The following MLLT1 variants were observed in gnomAD, a reference collection of about 807,000 sequenced individuals.
MLLT1 encodes the protein protein ENL.
A neutral mutation model predicts 55.1 loss-of-function variants in MLLT1; 11 were observed. The ratio of observed to expected loss-of-function variants is 0.20; its 90% confidence interval spans 0.13 to 0.33. The LOEUF (loss-of-function observed/expected upper bound fraction) is 0.33. Ranked by LOEUF, MLLT1 falls within the 10% of genes least tolerant of loss-of-function variation. The probability of loss-of-function intolerance (pLI) is 1.00; values close to 1 mark genes in which losing one functional copy is unlikely to be tolerated. For missense variants in MLLT1, 536 were observed against 760.6 expected (o/e 0.70, Z 3.47); for synonymous variants, 323 against 320.1 (o/e 1.01, Z -0.10).
intron 3 of MLLT1, among the ~76,000 whole-genome samples, chr19:6,251,717 G>T (rs2091215929): frequency 6.6e-6 from 1 of 151,822 alleles, no homozygotes; most frequent in Admixed American, 6.6e-5. Flanking sequence ...TTGAGCCCAG[G>T]AGTTCGAGAC....
At chr19:6,248,047 C>T (rs1306392008) in intron 3 of MLLT1, among the ~76,000 whole-genome samples, 2 of 152,146 alleles carry the variant, frequency 1.3e-5, no homozygotes, top group African/African-American at 4.8e-5. Flanking sequence ...TGCGCCACCA[C>T]GCCCTGCTAA....
chr19:6,266,501 G>C (rs915724613), intron 2 of MLLT1, among the ~76,000 whole-genome samples: 4 of 152,142 alleles, frequency 2.6e-5, no homozygotes, highest in African/African-American at 9.7e-5. Flanking sequence ...CTGTCACCCA[G>C]GCTGGAGTGC....
At chr19:6,238,366 T>C (rs1483012414) in intron 3 of MLLT1, among the ~76,000 whole-genome samples, 1 of 152,218 alleles carries the variant, frequency 6.6e-6, no homozygotes, top group African/African-American at 2.4e-5. Flanking sequence ...TTAAGAATCT[T>C]ATCTTACAGG....
chr19:6,224,465 G>A (rs2090934317), intron 5 of MLLT1, among the ~76,000 whole-genome samples: 1 of 152,224 alleles, frequency 6.6e-6, no homozygotes, highest in African/African-American at 2.4e-5. Context: ...TGCCACCCTG[G>A]CCTCTTCCAG....
At chr19:6,272,848 G>A (rs531564694) in intron 1 of MLLT1, among the ~76,000 whole-genome samples, 10 of 152,344 alleles carry the variant, frequency 6.6e-5, no homozygotes, top group South Asian at 2.1e-4. Flanking sequence ...GGGTCTGTGC[G>A]CACAGCAAGC....
At chr19:6,268,573 G>T (rs980367314) in intron 2 of MLLT1, among the ~76,000 whole-genome samples, 3 of 152,154 alleles carry the variant, frequency 2.0e-5, no homozygotes, top group Non-Finnish European at 4.4e-5. Flanking sequence ...AGTACCTCAA[G>T]TATCAATCCA....
chr19:6,239,953 G>C (rs2091099983), intron 3 of MLLT1, among the ~76,000 whole-genome samples: 1 of 152,034 alleles, frequency 6.6e-6, no homozygotes, highest in South Asian at 2.1e-4. Flanking sequence ...TTAAGGCTTA[G>C]GTAAAACAGC....
chr19:6,265,123 G>A (rs2091339540), intron 2 of MLLT1, among the ~76,000 whole-genome samples: 1 of 146,242 alleles, frequency 6.8e-6, no homozygotes, highest in Non-Finnish European at 1.5e-5. Context: ...CATCCTAAAT[G>A]TTTCCACAGA....
rs753744711 is a variant in MLLT1, at chr19:6,213,325, G to A, written c.1551+12C>T. 3 of 1,611,772 alleles carry A rather than the reference G, an allele frequency of 1.9e-6. No individual in the cohort carries two copies. The highest frequency in any genetic ancestry group is 4.5e-5 in the East Asian group (2 of 44,868). On this transcript the variant is annotated intron_variant, in intron 11 of 11. Transcript: ENST00000252674. Reference sequence around the variant, plus strand: ...CGACCTCTGCCGGGCAGGACCCTCAGGGGGGCGATACCTGCTGCAGCACGT... The same window carrying A: ...CGACCTCTGCCGGGCAGGACCCTCAAGGGGGCGATACCTGCTGCAGCACGT...
chr19:6,213,964 T>TG lies in MLLT1; in HGVS notation c.1381dup (p.Gln461ProfsTer23), dbSNP rs772076449. On this transcript the variant is annotated frameshift_variant, in exon 9 of 12. Coordinates refer to ENST00000252674, the MANE Select transcript of MLLT1 (RefSeq NM_005934.4). LOFTEE classifies it high-confidence loss of function. ...CTTGCTGTTGGGCGGGGGTGGCTTC[T>TG]GGGGGGGTGGGGGCTCACGGCTGGG... The TG allele has an allele frequency of 3.0e-6, 4 of 1,339,436 alleles. No homozygotes were observed. The highest frequency in any genetic ancestry group is 3.0e-6 in the Non-Finnish European group (3 of 999,650). 83.0% of individuals were successfully genotyped at this position (1,339,436 alleles called of 1,614,324 possible).
At chr19:6,257,756 G>T (rs1244367596) in intron 3 of MLLT1, among the ~76,000 whole-genome samples, 2 of 150,626 alleles carry the variant, frequency 1.3e-5, no homozygotes, top group Non-Finnish European at 3.0e-5. Flanking sequence ...AGCCGAGATG[G>T]CGCCACTGCA....
Position 6,229,837 on chromosome 19 carries a change from G to A in MLLT1, c.420+733C>T, listed in dbSNP as rs570635205. On this transcript the variant is annotated intron_variant, in intron 4 of 11. Transcript: ENST00000252674. This position sits in a 1 kb window ranked among gnomAD's most constrained non-coding sequence, Gnocchi z 5.2. ...GAGACACATGCCACACACAACACAC[G>A]TACATACACATGACACACCACACAC... 1.0e-4 allele frequency among the ~76,000 whole-genome samples: 15 copies of A among 150,572 alleles called. No individual in the cohort carries two copies. The highest frequency in any genetic ancestry group is 7.9e-4 in the Admixed American group (12 of 15,126).
chr19:6,250,987 G>A (rs962586303), intron 3 of MLLT1, among the ~76,000 whole-genome samples: 8 of 152,122 alleles, frequency 5.3e-5, no homozygotes, highest in Non-Finnish European at 1.0e-4. Context: ...AAAGAAGCGA[G>A]ACACAAACGT....
chr19:6,230,852 C>A lies in MLLT1; in HGVS notation c.277-139G>T. ...CTCCGATTTGCGCCCACTTCTCTCT[C>A]AGGGCACCTCCTGCCCTGCCCTTAT... On this transcript the variant is annotated intron_variant, in intron 3 of 11. Coordinates refer to ENST00000252674, the MANE Select transcript of MLLT1 (RefSeq NM_005934.4). The surrounding 1 kb of genome is among the most constrained non-coding windows in gnomAD (Gnocchi z 9.0). 2.8e-6 allele frequency: 3 copies of A among 1,080,932 alleles called. No individual in the cohort carries two copies. Among genetic ancestry groups the A allele is most frequent in the Non-Finnish European group, 4.0e-6 (3 of 746,642 alleles). 67.0% of individuals were successfully genotyped at this position (1,080,932 alleles called of 1,614,324 possible). A position where few individuals can be genotyped will look rare whatever the true frequency, so the allele number is the denominator to read the frequency against.
rs2090988243 is a variant in MLLT1 at position 6,229,633 on chromosome 19, C to T, written c.420+937G>A. On this transcript the variant is annotated intron_variant, in intron 4 of 11. Transcript: ENST00000252674. The surrounding 1 kb of genome is among the most constrained non-coding windows in gnomAD (Gnocchi z 5.2). ...ACACGACACACACGCCATGCACACACCATACATGACACAGCAGACAGCGTA... is the reference window on the plus strand; with the variant it reads ...ACACGACACACACGCCATGCACACATCATACATGACACAGCAGACAGCGTA... Among the ~76,000 whole-genome samples, 2 of 151,714 alleles carry T rather than the reference C, an allele frequency of 1.3e-5. No homozygotes were observed. The highest frequency in any genetic ancestry group is 1.3e-4 in the Admixed American group (2 of 15,226).
intron 3 of MLLT1, among the ~76,000 whole-genome samples, chr19:6,233,770 C>A (rs1164455357): frequency 3.3e-5 from 5 of 152,196 alleles, no homozygotes; most frequent in African/African-American, 1.2e-4. Flanking sequence ...ACAGCTGGTC[C>A]GAGCAACTGA....
chr19:6,257,497 C>T (rs531332653), intron 3 of MLLT1, among the ~76,000 whole-genome samples: 1 of 151,726 alleles, frequency 6.6e-6, no homozygotes, highest in African/African-American at 2.4e-5. Context: ...AAACAAACAA[C>T]CTAATTCAAA....
At position 6,230,538 on chromosome 19, in the gene MLLT1, C is replaced by A. The variant is rs1183139811; in HGVS notation, c.420+32G>T. 1.2e-6 allele frequency: 2 copies of A among 1,609,308 alleles called. No individual in the cohort carries two copies. The highest frequency in any genetic ancestry group is 1.3e-5 in the African/African-American group (1 of 74,722). On this transcript the variant is annotated intron_variant, in intron 4 of 11. Coordinates refer to ENST00000252674, the MANE Select transcript of MLLT1 (RefSeq NM_005934.4). The surrounding 1 kb of genome is among the most constrained non-coding windows in gnomAD (Gnocchi z 9.0). ...CAGCAAAGTAGCCTCGGTGGAGCGG[C>A]CCCTTGGCGGGCAGGGGCGGGGCAC...
At chr19:6,245,462 G>A (rs941164568) in intron 3 of MLLT1, among the ~76,000 whole-genome samples, 6 of 150,862 alleles carry the variant, frequency 4.0e-5, no homozygotes, top group African/African-American at 7.3e-5. Context: ...TGTAAACTCA[G>A]CACTTTGGGA....
Sources: allele counts gnomAD v4.1 joint callset (sites outside exome capture counted in the v4.1 genomes callset), GRCh38; gene constraint gnomAD v4.1.1; non-coding constraint Gnocchi (gnomAD v3.1); transcripts MANE v1.5; gene names NCBI Gene and HGNC (gene_info 2026-07-23, HGNC 2026-07-21).